PAK3: variants seen among roughly 807,000 people sequenced by gnomAD.
PAK3 encodes serine/threonine-protein kinase PAK 3.
PAK3 carries 4 observed loss-of-function variants against 41.0 expected under a neutral mutation model. The observed-to-expected ratio is 0.10, with a 90% CI of 0.05 to 0.22. The LOEUF (loss-of-function observed/expected upper bound fraction) is 0.22, where lower values mean the gene tolerates loss of function less well. Ranked by LOEUF, PAK3 falls within the 10% of genes least tolerant of loss-of-function variation. PAK3 has a pLI of 1.00. For synonymous variants in PAK3, 146 were observed against 139.6 expected, an observed-to-expected ratio of 1.05 and a Z score of -0.32; for missense variants, 205 against 409.9, an observed-to-expected ratio of 0.50 and a Z score of 4.32.
chrX:110,972,056 GTATATATACACACA>G (rs1307705439), intron 1 of PAK3, among the ~76,000 whole-genome samples: 2 of 110,707 alleles, frequency 1.8e-5, no homozygotes, highest in African/African-American at 3.3e-5. Context: ...GTATGTATGT[GTATATATACACACA>G]TATATATACA....
At chrX:111,055,185 T>A (rs2092594100) in intron 1 of PAK3, among the ~76,000 whole-genome samples, 1 of 112,079 alleles carries the variant, frequency 8.9e-6, no homozygotes, top group Non-Finnish European at 1.9e-5. Flanking sequence ...AGCTGAGCTC[T>A]TCATGAGGAA....
intron 16 of PAK3, among the ~76,000 whole-genome samples, chrX:111,207,102 A>G (rs2404862): frequency 0.081 from 8,480 of 104,801 alleles, 947 homozygotes; most frequent in African/African-American, 0.29. Context: ...GTGTGTGTAT[A>G]TATATATACA....
intron 1 of PAK3, among the ~76,000 whole-genome samples, chrX:111,036,692 A>G (rs1204043285): frequency 1.8e-5 from 2 of 112,107 alleles, no homozygotes; most frequent in Non-Finnish European, 3.8e-5. Context: ...ATTTCTTTAC[A>G]GAAATCTTGT....
At chrX:111,161,310 GTTGT>G (rs1404708480) in intron 8 of PAK3, among the ~76,000 whole-genome samples, 1 of 111,239 alleles carries the variant, frequency 9.0e-6, no homozygotes, top group Non-Finnish European at 1.9e-5. Flanking sequence ...TTTTGATGGG[GTTGT>G]TTGTTTTTTT....
At chrX:111,124,947 A>G (rs952900808) in intron 5 of PAK3, among the ~76,000 whole-genome samples, 1 of 111,903 alleles carries the variant, frequency 8.9e-6, no homozygotes, top group African/African-American at 3.2e-5. Context: ...ACATTTGCCA[A>G]TATGCATCCT....
chrX:111,041,344 C>A (rs148845239), intron 1 of PAK3, among the ~76,000 whole-genome samples: 1,871 of 111,476 alleles, frequency 0.017, 9 homozygotes, highest in Middle Eastern at 0.033. Context: ...TAGGGACAGT[C>A]CTGGGGGAGT....
chrX:110,964,014 G>C (rs1007292712), intron 1 of PAK3, among the ~76,000 whole-genome samples: 7 of 111,662 alleles, frequency 6.3e-5, no homozygotes, highest in African/African-American at 2.3e-4. Flanking sequence ...TATTTACTGG[G>C]AAGAAAAATA....
intron 1 of PAK3, among the ~76,000 whole-genome samples, chrX:110,986,767 GTGTGTGTGTGTGTA>G (rs2148663116): frequency 1.8e-5 from 2 of 110,907 alleles, no homozygotes; most frequent in South Asian, 7.7e-4. Flanking sequence ...GTGTGTGTGT[GTGTGTGTGTGTGTA>G]TGTGTGTGTC....
At chrX:110,984,485 C>T (rs1365399883) in intron 1 of PAK3, among the ~76,000 whole-genome samples, 1 of 111,636 alleles carries the variant, frequency 9.0e-6, no homozygotes, top group African/African-American at 3.3e-5. Context: ...CTCCCACTTC[C>T]AGCTGCCTCA....
chrX:111,145,214 G>A (rs777796503), intron 6 of PAK3, among the ~76,000 whole-genome samples: 1 of 112,029 alleles, frequency 8.9e-6, no homozygotes, highest in South Asian at 3.7e-4. Context: ...GGGTTTTAGT[G>A]ATAATTGGAT....
intron 10 of PAK3, among the ~76,000 whole-genome samples, chrX:111,164,226 C>T (rs1202622504): frequency 9.0e-6 from 1 of 111,066 alleles, no homozygotes; most frequent in Non-Finnish European, 1.9e-5. Context: ...TTAGTGTGTA[C>T]ATGCTCGTGT....
At chrX:110,947,460 TG>T (rs2090642214) in intron 1 of PAK3, among the ~76,000 whole-genome samples, 2 of 111,571 alleles carry the variant, frequency 1.8e-5, no homozygotes, top group South Asian at 7.6e-4. Flanking sequence ...TACTAGACAG[TG>T]TTTTTTGATG....
chrX:110,967,335 G>A (rs188935260), intron 1 of PAK3, among the ~76,000 whole-genome samples: 77 of 112,497 alleles, frequency 6.8e-4, no homozygotes, highest in African/African-American at 2.2e-3. Flanking sequence ...TAGTGCTGAG[G>A]TGTCACGTGC....
intron 4 of PAK3, among the ~76,000 whole-genome samples, chrX:111,104,041 T>C (rs2093202265): frequency 8.9e-6 from 1 of 112,397 alleles, no homozygotes; most frequent in South Asian, 3.7e-4. Flanking sequence ...TTAAAAGGGC[T>C]CAAAAGTTCC....
chrX:111,144,281 G>A (rs900902951), intron 6 of PAK3, among the ~76,000 whole-genome samples: 7 of 111,658 alleles, frequency 6.3e-5, no homozygotes, highest in East Asian at 2.8e-4. Flanking sequence ...CCATTGTTAC[G>A]AATCCATTGA....
intron 1 of PAK3, among the ~76,000 whole-genome samples, chrX:110,957,284 A>G (rs2090881685): frequency 8.9e-6 from 1 of 112,190 alleles, no homozygotes; most frequent in African/African-American, 3.2e-5. Flanking sequence ...TATTATCCCC[A>G]TTTTACAGAG....
intron 1 of PAK3, among the ~76,000 whole-genome samples, chrX:111,045,953 C>T (rs190989524): frequency 0.033 from 3,735 of 111,583 alleles, 57 homozygotes; most frequent in Middle Eastern, 0.065. Context: ...TCTGCCATTT[C>T]CCCACTAATT....
At chrX:111,072,617 C>G (rs747734474) in intron 1 of PAK3, among the ~76,000 whole-genome samples, 16 of 112,481 alleles carry the variant, frequency 1.4e-4, no homozygotes, top group Non-Finnish European at 2.6e-4. Context: ...TCTGACACAT[C>G]TGGGTATGTG....
intron 1 of PAK3, among the ~76,000 whole-genome samples, chrX:111,054,415 A>C (rs1268690942): frequency 8.9e-6 from 1 of 112,674 alleles, no homozygotes; most frequent in East Asian, 2.8e-4. Context: ...AAAGAGTTAG[A>C]AATTTGATAT....
Sources: allele counts gnomAD v4.1 joint callset (sites outside exome capture counted in the v4.1 genomes callset), GRCh38; gene constraint gnomAD v4.1.1; transcripts MANE v1.5; gene names NCBI Gene and HGNC (gene_info 2026-07-23, HGNC 2026-07-21).